Variants in FRMD4A observed in about 807,000 individuals in gnomAD.
The protein encoded by FRMD4A is FERM domain containing 4A.
A neutral mutation model predicts 129.1 loss-of-function variants in FRMD4A; 29 were observed. The observed-to-expected ratio is 0.22, with a 90% CI of 0.17 to 0.31. The LOEUF (loss-of-function observed/expected upper bound fraction) is 0.31. Among genes scored for constraint, FRMD4A ranks in the 10% least tolerant of loss-of-function variants. The probability of loss-of-function intolerance (pLI) is 1.00; values close to 1 mark genes in which losing one functional copy is unlikely to be tolerated. For missense variants in FRMD4A, 1,272 were observed against 1,375.8 expected (o/e 0.92, Z 1.19); for synonymous variants, 634 against 571.6 (o/e 1.11, Z -1.56).
At chr10:14,176,790 C>A (rs1841745624) in intron 2 of FRMD4A, among the ~76,000 whole-genome samples, 1 of 152,046 alleles carries the variant, frequency 6.6e-6, no homozygotes, top group Admixed American at 6.5e-5. Flanking sequence ...ATCTTTAATT[C>A]TATTCTCTGT....
chr10:14,137,675 A>T (rs1016242085), intron 2 of FRMD4A, among the ~76,000 whole-genome samples: 1 of 151,956 alleles, frequency 6.6e-6, no homozygotes, highest in Non-Finnish European at 1.5e-5. Context: ...CCTTGAGTGG[A>T]TCTCTCTCTT....
intron 2 of FRMD4A, among the ~76,000 whole-genome samples, chr10:14,275,477 C>G (rs968515533): frequency 1.3e-5 from 2 of 152,124 alleles, no homozygotes; most frequent in Non-Finnish European, 2.9e-5. Context: ...TGGTGGCTAT[C>G]TGAATATTTT....
At chr10:14,328,215 C>CT (rs967529309) in intron 2 of FRMD4A, among the ~76,000 whole-genome samples, 1 of 151,920 alleles carries the variant, frequency 6.6e-6, no homozygotes, top group Non-Finnish European at 1.5e-5. Context: ...GAACACGATC[C>CT]TTTTTTCCGG....
intron 2 of FRMD4A, among the ~76,000 whole-genome samples, chr10:14,184,705 C>A (rs904302724): frequency 2.6e-5 from 4 of 152,106 alleles, no homozygotes; most frequent in Non-Finnish European, 4.4e-5. Flanking sequence ...TGAAATCAAT[C>A]CCCCTAAGCT....
intron 2 of FRMD4A, among the ~76,000 whole-genome samples, chr10:14,137,087 TC>T (rs1839577244): frequency 6.6e-6 from 1 of 152,190 alleles, no homozygotes; most frequent in South Asian, 2.1e-4. Flanking sequence ...CCAACAAGAG[TC>T]CTGCTTTCCT....
At chr10:14,159,012 C>G (rs2131866089) in intron 2 of FRMD4A, among the ~76,000 whole-genome samples, 1 of 152,136 alleles carries the variant, frequency 6.6e-6, no homozygotes, top group Admixed American at 6.5e-5. Context: ...TATATAAAGG[C>G]AAGTTGTTGG....
intron 2 of FRMD4A, among the ~76,000 whole-genome samples, chr10:14,253,779 G>T (rs944174744): frequency 1.3e-5 from 2 of 152,102 alleles, no homozygotes; most frequent in African/African-American, 4.8e-5. Context: ...TTTTGCTCTT[G>T]GTTTCTCTAG....
rs1188647578 is a variant in FRMD4A at position 13,670,536 on chromosome 10, T to G, written c.1252-8A>C. The stretch of plus-strand genomic sequence containing the variant: ...CAGCTTGCCCGTGAGCTCCTGCATA[T>G]GTGAAATGGCATTCGGAGTGAGCAC... On this transcript the variant is annotated splice_polypyrimidine_tract_variant and splice_region_variant and intron_variant, in intron 16 of 24. Transcript: ENST00000357447. The G allele has an allele frequency of 1.2e-6, 2 of 1,611,870 alleles. No individual in the cohort carries two copies. The highest frequency in any genetic ancestry group is 1.7e-6 in the Non-Finnish European group (2 of 1,178,736).
chr10:14,085,444 C>G (rs1173113024), intron 2 of FRMD4A, among the ~76,000 whole-genome samples: 1 of 152,194 alleles, frequency 6.6e-6, no homozygotes, highest in Non-Finnish European at 1.5e-5. Flanking sequence ...TCTTCTCTCC[C>G]CAATCCACAG....
At chr10:14,210,460 C>A (rs1045003643) in intron 2 of FRMD4A, among the ~76,000 whole-genome samples, 4 of 152,198 alleles carry the variant, frequency 2.6e-5, no homozygotes, top group African/African-American at 9.7e-5. Flanking sequence ...AATATAACCC[C>A]TGAATTCCAG....
intron 2 of FRMD4A, among the ~76,000 whole-genome samples, chr10:14,287,045 A>G (rs190005665): frequency 9.2e-5 from 14 of 152,252 alleles, no homozygotes; most frequent in Admixed American, 9.2e-4. Flanking sequence ...GTCAATCTCT[A>G]ATAAAATTGC....
intron 2 of FRMD4A, among the ~76,000 whole-genome samples, chr10:14,150,006 G>C (rs1291633121): frequency 6.6e-6 from 1 of 152,176 alleles, no homozygotes; most frequent in African/African-American, 2.4e-5. Context: ...AAGGTGAAGG[G>C]GGAGCAAGCA....
chr10:13,771,981 T>G (rs541839233), intron 6 of FRMD4A, among the ~76,000 whole-genome samples: 2 of 151,208 alleles, frequency 1.3e-5, no homozygotes, highest in South Asian at 4.2e-4. Flanking sequence ...GGGTGTGGTG[T>G]CGCATGCCCA....
intron 3 of FRMD4A, among the ~76,000 whole-genome samples, chr10:13,857,808 A>T (rs1230762590): frequency 8.3e-6 from 1 of 121,060 alleles, no homozygotes; most frequent in African/African-American, 3.1e-5. Context: ...AATGTAATAA[A>T]AATTGGCATT....
intron 2 of FRMD4A, among the ~76,000 whole-genome samples, chr10:14,185,557 C>G (rs184578972): frequency 6.6e-6 from 1 of 152,136 alleles, no homozygotes; most frequent in Non-Finnish European, 1.5e-5. Flanking sequence ...TAAAGCAAGA[C>G]TATTTAAAGG....
chr10:13,733,755 A>G (rs2135029464), intron 12 of FRMD4A, among the ~76,000 whole-genome samples: 1 of 152,274 alleles, frequency 6.6e-6, no homozygotes, highest in Non-Finnish European at 1.5e-5. Context: ...TTATATTCAG[A>G]TTGTACATTC....
At position 13,748,229 on chromosome 10, in the gene FRMD4A, G is replaced by C. The variant is rs539545311; in HGVS notation, c.465-410C>G. ...CCCGCCGTTAGGCTCACAGAGCTCC[G>C]AGAATGGGCAATGGCGCCACTGTCT... On this transcript the variant is annotated intron_variant, in intron 8 of 24. Transcript: ENST00000357447. 3.3e-5 allele frequency among the ~76,000 whole-genome samples: 5 copies of C among 152,302 alleles called. No homozygotes were observed. In the East Asian group the frequency reaches 7.7e-4, roughly 24 times the overall value.
intron 2 of FRMD4A, among the ~76,000 whole-genome samples, chr10:14,225,963 T>A (rs12571677): frequency 0.28 from 42,278 of 152,092 alleles, 5,963 homozygotes; most frequent in Middle Eastern, 0.36. Flanking sequence ...GATATTCTAC[T>A]GATAAGGAGC....
At chr10:13,981,325 G>T (rs139230000) in intron 2 of FRMD4A, among the ~76,000 whole-genome samples, 1 of 152,208 alleles carries the variant, frequency 6.6e-6, no homozygotes. Flanking sequence ...GTTTAAAGCA[G>T]TCAACCAAAG....
Sources: gnomAD v4.1 joint callset for allele counts (sites outside exome capture counted in the v4.1 genomes callset) on GRCh38, gnomAD v4.1.1 for gene constraint, MANE v1.5 for transcripts, NCBI Gene and HGNC (gene_info 2026-07-23, HGNC 2026-07-21) for gene names.